The following TG variants were observed in gnomAD, a reference collection of about 807,000 sequenced individuals.
TG encodes the protein thyroid hormones.
A neutral mutation model predicts 324.7 loss-of-function variants in TG; 270 were observed. The observed-to-expected ratio is 0.83, with a 90% CI of 0.75 to 0.92. The LOEUF is 0.92. Ranked by LOEUF, TG falls within the 40% of genes least tolerant of loss-of-function variation. The probability of loss-of-function intolerance (pLI) is 0.00; values close to 1 mark genes in which losing one functional copy is unlikely to be tolerated. For missense variants in TG, 3,591 were observed against 3,456.4 expected (o/e 1.04, Z -0.98); for synonymous variants, 1,401 against 1,327.0 (o/e 1.06, Z -1.21).
At chr8:132,931,046 CA>C (rs1822644935) in intron 23 of TG, among the ~76,000 whole-genome samples, 1 of 152,146 alleles carries the variant, frequency 6.6e-6, no homozygotes, top group Admixed American at 6.5e-5. Flanking sequence ...ACTTAAACAA[CA>C]AAATGGATTT....
At position 132,948,927 on chromosome 8, in the gene TG, C is replaced by T. The variant is rs1279856349; in HGVS notation, c.5385C>T (p.Asp1795=). ...ESHQVILRLG[D]QEFIKSLTPL... The stretch of plus-strand genomic sequence containing the variant: ...ACCAGGTGATATTGCGTCTTGGAGA[C>T]CAGGAGTTCATCAAGAGTAAGTCTT... The change falls in exon 27 of 48, where the codon GAC becomes GAT. Residue 1795 remains aspartate (D), a synonymous_variant. Coordinates refer to ENST00000220616, the MANE Select transcript of TG (RefSeq NM_003235.5). The T allele has an allele frequency of 6.2e-7, 1 of 1,613,622 alleles. No homozygotes were observed. Among genetic ancestry groups the T allele is most frequent in the African/African-American group, 1.3e-5 (1 of 74,882 alleles).
intron 32 of TG, among the ~76,000 whole-genome samples, chr8:132,970,078 C>T (rs889143171): frequency 1.3e-5 from 2 of 151,776 alleles, no homozygotes; most frequent in Non-Finnish European, 2.9e-5. Flanking sequence ...AAAGAGCCAC[C>T]GAGCATTATT....
At position 132,929,074 on chromosome 8, in the gene TG, A is replaced by T; in HGVS notation, c.4700-2A>T. On this transcript the variant is annotated splice_acceptor_variant, in intron 22 of 47. Coordinates refer to ENST00000220616, the MANE Select transcript of TG (RefSeq NM_003235.5). LOFTEE classifies it high-confidence loss of function. ...GATTTACTAAATCTGCTTTATTTTT[A>T]GTGATGCAGAAGTTTGAGAAGGTTC... 5 of 1,612,746 alleles carry T rather than the reference A, an allele frequency of 3.1e-6. No individual in the cohort carries two copies. Among genetic ancestry groups the T allele is most frequent in the Non-Finnish European group, 4.2e-6 (5 of 1,179,134 alleles).
chr8:133,060,450 T>G (rs1842209112), intron 41 of TG: 2 of 1,292,906 alleles, frequency 1.5e-6, no homozygotes, highest in Admixed American at 2.8e-5. Flanking sequence ...TGGCAAAAGT[T>G]TCCATTCCTC....
chr8:133,102,724 G>A, intron 43 of TG: 1 of 680,436 alleles, frequency 1.5e-6, no homozygotes, highest in Non-Finnish European at 2.6e-6. Context: ...ACATTATCCA[G>A]GCATTCATTT....
chr8:132,898,875 T>C lies in TG; in HGVS notation c.3295T>C (p.Ser1099Pro). Residue 1099 changes from serine (S) to proline (P), a missense_variant, in exon 14 of 48, where the codon TCT becomes CCT. Transcript: ENST00000220616. ...WKQARSQENP[S>P]PKDLFVPACL... ...ACAGGCTAGATCCCAAGAAAACCCATCTCCAAAAGACCTGTTCGTCCCAGC... is the reference window on the plus strand; with the variant it reads ...ACAGGCTAGATCCCAAGAAAACCCACCTCCAAAAGACCTGTTCGTCCCAGC... 1 of 1,614,044 alleles carries C rather than the reference T, an allele frequency of 6.2e-7. No homozygotes were observed. Among genetic ancestry groups the C allele is most frequent in the Non-Finnish European group, 8.5e-7 (1 of 1,180,016 alleles).
chr8:133,021,880 G>A, intron 39 of TG, 111 bp from the exon 40 acceptor site: 3 of 1,356,096 alleles, frequency 2.2e-6, no homozygotes, highest in Non-Finnish European at 3.1e-6. Flanking sequence ...ATGGGGCTAA[G>A]TATGCCACAG....
chr8:133,118,320 C>CTTTTTTTTTT (rs34171048), intron 45 of TG, among the ~76,000 whole-genome samples: 8 of 88,972 alleles, frequency 9.0e-5, no homozygotes, highest in Non-Finnish European at 1.5e-4. Flanking sequence ...CAGATTCTTC[C>CTTTTTTTTTT]TTTTTTTTTT....
intron 19 of TG, among the ~76,000 whole-genome samples, chr8:132,912,104 C>T (rs1443228990): frequency 6.6e-6 from 1 of 152,218 alleles, no homozygotes; most frequent in Non-Finnish European, 1.5e-5. Context: ...GCCAAACATC[C>T]AGGGGCAGGA....
chr8:132,924,817 G>A (rs529236810), intron 22 of TG, among the ~76,000 whole-genome samples: 50 of 152,306 alleles, frequency 3.3e-4, no homozygotes, highest in South Asian at 1.2e-3. Flanking sequence ...CTTAGCAATG[G>A]CATTACCTAC....
intron 43 of TG, chr8:133,106,306 C>A: frequency 1.5e-6 from 1 of 661,286 alleles, no homozygotes; most frequent in Non-Finnish European, 1.9e-6. Context: ...CAGGGGGAAG[C>A]AGCGCTGAGG....
intron 41 of TG, chr8:133,040,217 GCTC>G: frequency 7.1e-7 from 1 of 1,412,938 alleles, no homozygotes; most frequent in Non-Finnish European, 9.6e-7. Flanking sequence ...CTCCAGTGCA[GCTC>G]CCTGGCTGCT....
chr8:132,908,808 G>T (rs1819076632), intron 18 of TG, among the ~76,000 whole-genome samples: 1 of 152,128 alleles, frequency 6.6e-6, no homozygotes, highest in East Asian at 1.9e-4. Flanking sequence ...GATGAGAGGG[G>T]TTTTTTACAG....
chr8:133,038,401 T>G, intron 41 of TG: 1 of 748,714 alleles, frequency 1.3e-6, no homozygotes, highest in Non-Finnish European at 2.3e-6. Flanking sequence ...TCCATGTGGC[T>G]TCTCTTGGCT....
chr8:132,989,687 G>A (rs1452219747), intron 35 of TG, among the ~76,000 whole-genome samples: 1 of 152,194 alleles, frequency 6.6e-6, no homozygotes, highest in South Asian at 2.1e-4. Context: ...CCTCCATCCT[G>A]TGCCTTTGCC....
At position 133,133,423 on chromosome 8, in the gene TG, A is replaced by G. The variant is rs112958438; in HGVS notation, c.7998-47A>G. On this transcript the variant is annotated intron_variant, in intron 46 of 47. Transcript: ENST00000220616. ...GGGAAGTGATTCAGGTGATGAAAGG[A>G]AAGACAAATTTCCCTCATGGATATT... 961 of 1,588,060 alleles carry G rather than the reference A, an allele frequency of 6.1e-4. 6 individuals are homozygous for G. The African/African-American group carries it at 9.6e-3, about 16-fold the overall frequency.
intron 26 of TG, among the ~76,000 whole-genome samples, chr8:132,948,405 A>G (rs191549864): frequency 6.6e-6 from 1 of 152,278 alleles, no homozygotes; most frequent in Admixed American, 6.5e-5. Context: ...TTGAAGCAGC[A>G]GCAGCTCAGG....
intron 20 of TG, among the ~76,000 whole-genome samples, chr8:132,915,421 A>G (rs1220433222): frequency 2.6e-5 from 4 of 152,206 alleles, no homozygotes; most frequent in Non-Finnish European, 5.9e-5. Flanking sequence ...CCTGTCAACA[A>G]GAAGATGGGA....
At chr8:132,925,272 A>ACC (rs1821679481) in intron 22 of TG, among the ~76,000 whole-genome samples, 2 of 152,154 alleles carry the variant, frequency 1.3e-5, no homozygotes, top group Non-Finnish European at 2.9e-5. Context: ...TGTATGTCAA[A>ACC]CCACCAAACC....
Sources: gnomAD v4.1 joint callset for allele counts (sites outside exome capture counted in the v4.1 genomes callset) on GRCh38, gnomAD v4.1.1 for gene constraint, MANE v1.5 for transcripts, NCBI Gene and HGNC (gene_info 2026-07-23, HGNC 2026-07-21) for gene names.